ABCB1: variants seen among roughly 807,000 people sequenced by gnomAD.
The protein encoded by ABCB1 is ATP-dependent translocase ABCB1.
Under a neutral mutation model 142.0 loss-of-function variants are expected in ABCB1, and 69 were observed. That is an observed-to-expected ratio of 0.49 (90% CI 0.40 to 0.59). ABCB1 has a LOEUF of 0.59. ABCB1 is among the 20% of genes least tolerant of loss of function. ABCB1 has a pLI of 0.00. For missense variants in ABCB1, 1,326 were observed against 1,554.7 expected (o/e 0.85, Z 2.47); for synonymous variants, 532 against 539.2 (o/e 0.99, Z 0.18).
intron 1 of ABCB1, chr7:87,659,132 A>G (rs1824433896): frequency 2.8e-6 from 1 of 357,538 alleles, no homozygotes; most frequent in South Asian, 2.3e-5. Flanking sequence ...ACTGCAATCT[A>G]GCCTGGGCAA....
chr7:87,535,244 G>A (rs1430358464), intron 20 of ABCB1, among the ~76,000 whole-genome samples: 1 of 151,876 alleles, frequency 6.6e-6, no homozygotes, highest in Non-Finnish European at 1.5e-5. Flanking sequence ...ACCCTACAGT[G>A]GTTTTCCATC....
At chr7:87,573,074 T>C (rs1240366213) in intron 4 of ABCB1, among the ~76,000 whole-genome samples, 1 of 152,120 alleles carries the variant, frequency 6.6e-6, no homozygotes, top group African/African-American at 2.4e-5. Flanking sequence ...GGGTAATTTA[T>C]AAAGAAAAAG....
intron 21 of ABCB1, chr7:87,522,188 G>C: frequency 7.0e-7 from 1 of 1,436,766 alleles, no homozygotes; most frequent in East Asian, 2.3e-5. Context: ...AGTGGGGATG[G>C]CTATAATGGA....
intron 1 of ABCB1, among the ~76,000 whole-genome samples, chr7:87,637,729 G>A (rs1392794059): frequency 1.3e-5 from 2 of 151,794 alleles, no homozygotes; most frequent in Admixed American, 6.6e-5. Flanking sequence ...TTGGTATATC[G>A]ATATAAATTT....
At chr7:87,608,840 A>G (rs906519507) in intron 1 of ABCB1, among the ~76,000 whole-genome samples, 2 of 152,214 alleles carry the variant, frequency 1.3e-5, no homozygotes, top group African/African-American at 2.4e-5. Flanking sequence ...TCCATATACA[A>G]GAAACACTGC....
At chr7:87,637,648 C>A (rs1821919267) in intron 1 of ABCB1, among the ~76,000 whole-genome samples, 1 of 151,772 alleles carries the variant, frequency 6.6e-6, no homozygotes, top group South Asian at 2.1e-4. Context: ...TATATTTATT[C>A]TTGCATATTT....
At chr7:87,559,294 C>T (rs28381873) in intron 8 of ABCB1, among the ~76,000 whole-genome samples, 19,157 of 151,916 alleles carry the variant, frequency 0.13, 1,858 homozygotes, top group African/African-American at 0.27. Flanking sequence ...TTACTCAGAT[C>T]TTCTCCTTCT....
intron 26 of ABCB1, 51 bp from the exon 27 acceptor site, chr7:87,506,094 AACAG>A: frequency 6.3e-7 from 1 of 1,584,922 alleles, no homozygotes; most frequent in Non-Finnish European, 8.7e-7. Context: ...GTAAAGTTCT[AACAG>A]CTTGCTTATA....
Position 87,516,585 on chromosome 7 carries a change from A to G in ABCB1, c.3008T>C (p.Ile1003Thr). 4 of 1,614,210 alleles carry G rather than the reference A, an allele frequency of 2.5e-6. No homozygotes were observed. Among genetic ancestry groups the G allele is most frequent in the Non-Finnish European group, 3.4e-6 (4 of 1,180,036 alleles). The change falls in exon 24 of 28, where the codon ATA becomes ACA. Residue 1003 changes from isoleucine (I) to threonine (T), a missense_variant. Transcript: ENST00000622132. ...GATCATGATGATGTGGGCTGCTGAT[A>G]TTTTGGCTTTGGCATAGTCAGGAGC... ...SFAPDYAKAK[I>T]SAAHIIMIIE... is the part of the protein sequence containing the mutation.
intron 21 of ABCB1, among the ~76,000 whole-genome samples, chr7:87,526,367 C>A (rs1056272147): frequency 9.9e-5 from 15 of 151,900 alleles, no homozygotes; most frequent in African/African-American, 1.5e-4. Context: ...GTACCATGTG[C>A]TTTGTGATGA....
chr7:87,512,913 A>G (rs1287078818), intron 25 of ABCB1, among the ~76,000 whole-genome samples: 1 of 152,212 alleles, frequency 6.6e-6, no homozygotes, highest in Non-Finnish European at 1.5e-5. Flanking sequence ...TCATTTTCAT[A>G]TACTTCTGTG....
At position 87,574,867 on chromosome 7, in the gene ABCB1, G is replaced by T. The variant is rs185729030; in HGVS notation, c.287-4644C>A. ...CTCTTCCTCCCACTCCCACTGGTGTGAGGTCATAGAAAACTGAACTATATC... is the reference window on the plus strand; with the variant it reads ...CTCTTCCTCCCACTCCCACTGGTGTTAGGTCATAGAAAACTGAACTATATC... On this transcript the variant is annotated intron_variant, in intron 4 of 27. Transcript: ENST00000622132. 2.7e-3 allele frequency among the ~76,000 whole-genome samples: 416 copies of T among 152,244 alleles called. 1 individual carries two copies. Among genetic ancestry groups the T allele is most frequent in the African/African-American group, 9.6e-3 (397 of 41,524 alleles).
chr7:87,680,803 A>G (rs994707062), intron 1 of ABCB1, among the ~76,000 whole-genome samples: 1 of 150,400 alleles, frequency 6.6e-6, no homozygotes. Context: ...CAAAAAAAAG[A>G]AAAGAAAAGA....
intron 1 of ABCB1, among the ~76,000 whole-genome samples, chr7:87,624,237 T>C (rs1820328658): frequency 6.6e-6 from 1 of 152,218 alleles, no homozygotes; most frequent in Non-Finnish European, 1.5e-5. Flanking sequence ...TGTTATGATG[T>C]CAGCATATTA....
chr7:87,605,984 A>G (rs1819637095), intron 1 of ABCB1, among the ~76,000 whole-genome samples: 1 of 152,126 alleles, frequency 6.6e-6, no homozygotes, highest in Admixed American at 6.5e-5. Context: ...ATTACTTTTA[A>G]AGAAATCTAT....
intron 1 of ABCB1, among the ~76,000 whole-genome samples, chr7:87,631,202 G>C (rs1255790722): frequency 6.6e-6 from 1 of 152,132 alleles, no homozygotes; most frequent in African/African-American, 2.4e-5. Context: ...TATATGATAG[G>C]CTTTGTCTGA....
At chr7:87,626,820 G>A (rs942740922) in intron 1 of ABCB1, among the ~76,000 whole-genome samples, 28 of 151,534 alleles carry the variant, frequency 1.8e-4, no homozygotes, top group African/African-American at 6.8e-4. Flanking sequence ...CTGTCGCCCA[G>A]GCTGGAGTGC....
intron 4 of ABCB1, 75 bp downstream of exon 4, chr7:87,585,437 A>G: frequency 6.8e-7 from 1 of 1,471,190 alleles, no homozygotes; most frequent in South Asian, 1.2e-5. Context: ...TTTAGTAAAG[A>G]ATCCATAAAC....
chr7:87,525,406 G>A (rs1815739061), intron 21 of ABCB1, among the ~76,000 whole-genome samples: 1 of 152,058 alleles, frequency 6.6e-6, no homozygotes. Flanking sequence ...GGGGGTTAGG[G>A]AGACTGACCC....
Sources: allele counts gnomAD v4.1 joint callset (sites outside exome capture counted in the v4.1 genomes callset), GRCh38; gene constraint gnomAD v4.1.1; transcripts MANE v1.5; gene names NCBI Gene and HGNC (gene_info 2026-07-23, HGNC 2026-07-21).